The following PTK2 variants were observed in gnomAD, a reference collection of about 807,000 sequenced individuals.
The protein encoded by PTK2 is protein tyrosine kinase 2.
A neutral mutation model predicts 150.1 loss-of-function variants in PTK2; 45 were observed. That is an observed-to-expected ratio of 0.30 (90% CI 0.24 to 0.38). PTK2 has a LOEUF of 0.38. Ranked by LOEUF, PTK2 falls within the 10% of genes least tolerant of loss-of-function variation. The pLI is 1.00. For missense variants in PTK2, 919 were observed against 1,307.3 expected (o/e 0.70, Z 4.58); for synonymous variants, 432 against 449.2 (o/e 0.96, Z 0.48).
At chr8:140,930,357 A>T (rs1603344364) in intron 1 of PTK2, among the ~76,000 whole-genome samples, 1 of 152,292 alleles carries the variant, frequency 6.6e-6, no homozygotes, top group East Asian at 1.9e-4. Flanking sequence ...AGATACTTTA[A>T]AACTCCTTTA....
At chr8:140,667,127 G>A (rs774243117) in intron 30 of PTK2, among the ~76,000 whole-genome samples, 3 of 152,196 alleles carry the variant, frequency 2.0e-5, no homozygotes, top group Non-Finnish European at 4.4e-5. Flanking sequence ...GGGAAAAGAG[G>A]AGGGTTGTTT....
exon 22 of PTK2, chr8:140,735,431 A>G: frequency 6.2e-7 from 1 of 1,614,174 alleles, no homozygotes; most frequent in Non-Finnish European, 8.5e-7. Context: ...CACACCATGC[A>G]TCAGTATCTC....
intron 14 of PTK2, among the ~76,000 whole-genome samples, chr8:140,782,966 C>A (rs1385976452): frequency 6.6e-6 from 1 of 152,152 alleles, no homozygotes; most frequent in Non-Finnish European, 1.5e-5. Context: ...AGGCTAGGTG[C>A]AGTGGCTCAC....
At chr8:140,706,012 A>T in intron 24 of PTK2, 107 bp downstream of exon 27, 1 of 897,656 alleles carries the variant, frequency 1.1e-6, no homozygotes, top group Admixed American at 2.2e-5. Context: ...CTATCGGCCA[A>T]ATCATACTCA....
chr8:140,987,766 G>A (rs1202271114), intron 1 of PTK2, among the ~76,000 whole-genome samples: 1 of 152,206 alleles, frequency 6.6e-6, no homozygotes, highest in African/African-American at 2.4e-5. Flanking sequence ...CAACAGGCCA[G>A]GTGACGTGGC....
chr8:140,885,635 G>A (rs1322922411), intron 3 of PTK2, among the ~76,000 whole-genome samples: 2 of 152,162 alleles, frequency 1.3e-5, no homozygotes, highest in Admixed American at 6.5e-5. Flanking sequence ...AACAAGCAAG[G>A]AGCCACATCC....
At chr8:140,792,036 A>G (rs548578324) in intron 13 of PTK2, among the ~76,000 whole-genome samples, 46 of 152,308 alleles carry the variant, frequency 3.0e-4, no homozygotes, top group African/African-American at 1.0e-3. Context: ...CAGGCTAAGG[A>G]GCAAAACTGG....
At chr8:140,879,303 G>A (rs149359130) in intron 4 of PTK2, 168 bp downstream of exon 4, 99 of 628,722 alleles carry the variant, frequency 1.6e-4, no homozygotes, top group Non-Finnish European at 2.1e-4. Context: ...CTAGACTAGA[G>A]GTCTAGAAGA....
At chr8:140,971,677 G>A (rs866957560) in intron 1 of PTK2, among the ~76,000 whole-genome samples, 1 of 152,226 alleles carries the variant, frequency 6.6e-6, no homozygotes, top group Non-Finnish European at 1.5e-5. Flanking sequence ...TTCAATGACA[G>A]CTAACATTTG....
At chr8:140,699,421 C>T (rs2154063834) in intron 26 of PTK2, among the ~76,000 whole-genome samples, 1 of 152,280 alleles carries the variant, frequency 6.6e-6, no homozygotes, top group Admixed American at 6.5e-5. Flanking sequence ...CTAAAAGGAC[C>T]TTTGTGTCAA....
In PTK2 at chr8:140,706,149, T is replaced by G. The variant is rs147531538; in HGVS notation, c.2199A>C (p.Pro733=). 1.9e-3 allele frequency: 3,106 copies of G among 1,613,092 alleles called. 8 individuals are homozygous for G. The highest frequency in any genetic ancestry group is 2.4e-3 in the Non-Finnish European group (2,808 of 1,179,046). Reference sequence around the variant, plus strand: ...AATGATTGGTTTGTACCATGTGCTGTGGGCTGGGATAAAATCCTTCGCTGG... The same window carrying G: ...AATGATTGGTTTGTACCATGTGCTGGGGGCTGGGATAAAATCCTTCGCTGG... Residue 733 remains proline, a synonymous_variant, in exon 24 of 32, where the codon CCA becomes CCC. Coordinates refer to ENST00000522684, the Ensembl canonical transcript of PTK2.
At chr8:140,805,147 G>A (rs1165520787) in intron 10 of PTK2, among the ~76,000 whole-genome samples, 2 of 152,140 alleles carry the variant, frequency 1.3e-5, no homozygotes, top group African/African-American at 2.4e-5. Flanking sequence ...TCAGACTCAT[G>A]CATCCAGCTC....
chr8:140,827,027 A>C (rs890031870), intron 8 of PTK2, among the ~76,000 whole-genome samples: 1 of 152,052 alleles, frequency 6.6e-6, no homozygotes, highest in African/African-American at 2.4e-5. Flanking sequence ...CATCTTCCTT[A>C]ATCACCTCCC....
chr8:140,886,070 T>C (rs1304796184), intron 3 of PTK2, among the ~76,000 whole-genome samples: 1 of 152,116 alleles, frequency 6.6e-6, no homozygotes, highest in Non-Finnish European at 1.5e-5. Context: ...GTGGAGGCAA[T>C]ATGAAATGGG....
At chr8:140,913,028 CT>C (rs1438135152) in intron 2 of PTK2, among the ~76,000 whole-genome samples, 1 of 152,154 alleles carries the variant, frequency 6.6e-6, no homozygotes, top group African/African-American at 2.4e-5. Flanking sequence ...TGAACATGTT[CT>C]CCCTAAGGGG....
chr8:140,784,453 A>G (rs2100083707), intron 14 of PTK2, among the ~76,000 whole-genome samples: 1 of 152,198 alleles, frequency 6.6e-6, no homozygotes, highest in Non-Finnish European at 1.5e-5. Flanking sequence ...AAACCCAAAC[A>G]CAATAATCCA....
At chr8:140,914,349 T>C (rs1032155116) in intron 2 of PTK2, among the ~76,000 whole-genome samples, 1 of 151,488 alleles carries the variant, frequency 6.6e-6, no homozygotes, top group Non-Finnish European at 1.5e-5. Context: ...TATAGATGAA[T>C]CTGAAATCAA....
chr8:140,760,349 G>A (rs1339312710), intron 16 of PTK2, among the ~76,000 whole-genome samples: 1 of 152,110 alleles, frequency 6.6e-6, no homozygotes, highest in Non-Finnish European at 1.5e-5. Flanking sequence ...CTGATGAAAG[G>A]ATAAACAAAA....
chr8:140,667,242 A>T (rs1399219579), intron 30 of PTK2, among the ~76,000 whole-genome samples: 1 of 152,194 alleles, frequency 6.6e-6, no homozygotes, highest in African/African-American at 2.4e-5. Flanking sequence ...ATGTATGCTT[A>T]AAAATGGTTA....
Sources: gnomAD v4.1 joint callset for allele counts (sites outside exome capture counted in the v4.1 genomes callset) on GRCh38, gnomAD v4.1.1 for gene constraint, MANE v1.5 for transcripts, NCBI Gene and HGNC (gene_info 2026-07-23, HGNC 2026-07-21) for gene names.